MICAL2: variants seen among roughly 807,000 people sequenced by gnomAD.
MICAL2 encodes the protein [F-actin]-monooxygenase MICAL2.
A neutral mutation model predicts 127.3 loss-of-function variants in MICAL2; 77 were observed. The observed-to-expected ratio is 0.60, with a 90% CI of 0.50 to 0.73. MICAL2 has a LOEUF of 0.73. MICAL2 is among the 30% of genes least tolerant of loss of function. The pLI is 0.00. For missense variants in MICAL2, 1,351 were observed against 1,434.4 expected (o/e 0.94, Z 0.94); for synonymous variants, 570 against 551.1 (o/e 1.03, Z -0.48).
chr11:12,312,056 T>C (rs1021514860), intron 29 of MICAL2, among the ~76,000 whole-genome samples: 3 of 151,378 alleles, frequency 2.0e-5, no homozygotes, highest in Admixed American at 6.6e-5. Context: ...TATTATATAA[T>C]AGTTCATATA....
At chr11:12,298,971 T>C (rs1489039960) in intron 29 of MICAL2, among the ~76,000 whole-genome samples, 2 of 152,236 alleles carry the variant, frequency 1.3e-5, no homozygotes, top group Admixed American at 1.3e-4. Context: ...CTACAGTTCA[T>C]TGATATCACT....
At chr11:12,209,823 C>T (rs561277151) in intron 6 of MICAL2, among the ~76,000 whole-genome samples, 2 of 152,108 alleles carry the variant, frequency 1.3e-5, no homozygotes, top group Non-Finnish European at 2.9e-5. Flanking sequence ...TCAGTTTTCT[C>T]AGCTGTAAGA....
At chr11:12,127,817 G>GAGATTCAGGAGGAGATGACCACTGT (rs1564997756) in intron 1 of MICAL2, among the ~76,000 whole-genome samples, 1 of 152,180 alleles carries the variant, frequency 6.6e-6, no homozygotes, top group Non-Finnish European at 1.5e-5. Context: ...CAGGGGAGCA[G>GAGATTCAGGAGGAGATGACCACTGT]AGATTCAGGA....
In MICAL2 at chr11:12,211,659, G is replaced by T. The variant is rs564198784; in HGVS notation, c.692-1596G>T. ...TAGGAGGGAGACACACTGTTGAAAA[G>T]TGGCCATCTGTTGTGTGGAACCCCT... On this transcript the variant is annotated intron_variant, in intron 6 of 27. Transcript: ENST00000683283. Among the ~76,000 whole-genome samples the T allele has an allele frequency of 8.5e-5, 13 of 152,326 alleles. No individual in the cohort carries two copies. The South Asian group carries it at 2.5e-3, about 29-fold the overall frequency.
chr11:12,163,025 G>A (rs1000502059), intron 3 of MICAL2, among the ~76,000 whole-genome samples: 2 of 152,138 alleles, frequency 1.3e-5, no homozygotes, highest in Non-Finnish European at 1.5e-5. Flanking sequence ...CTTCCTCCCT[G>A]TCTCTTTCTC....
downstream of MICAL2, among the ~76,000 whole-genome samples, chr11:12,265,629 CAG>C (rs373100260): frequency 2.0e-3 from 312 of 152,258 alleles, no homozygotes; most frequent in African/African-American, 7.2e-3. Context: ...TCATTTAAAA[CAG>C]ATGTTCCTGG....
At position 12,255,825 on chromosome 11, in the gene MICAL2, A is replaced by G; in HGVS notation, c.2955+75A>G. 5.8e-6 allele frequency: 7 copies of G among 1,212,930 alleles called. No homozygotes were observed. The South Asian group carries it at 9.1e-5, about 16-fold the overall frequency. 75.1% of individuals were successfully genotyped at this position (1,212,930 alleles called of 1,614,324 possible). A position where few individuals can be genotyped will look rare whatever the true frequency, so the allele number is the denominator to read the frequency against. On this transcript the variant is annotated intron_variant, in intron 23 of 27. Transcript: ENST00000683283. ...CCCAGGGCGGGCACATGGGATGTCG[A>G]GAGGATGCCCTGGCCCTCCCGAGGC...
chr11:12,327,390 A>G, intron 32 of MICAL2: 3 of 755,734 alleles, frequency 4.0e-6, no homozygotes, highest in Non-Finnish European at 6.4e-6. Context: ...ATGGTGGTAA[A>G]TCCACAAGTG....
intron 25 of MICAL2, chr11:12,259,544 A>G (rs530917635): frequency 2.5e-6 from 1 of 404,404 alleles, no homozygotes; most frequent in Non-Finnish European, 4.4e-6. Flanking sequence ...TACTTGATGT[A>G]TATCATTAGG....
At chr11:12,347,191 AC>A (rs2134893594) in intron 32 of MICAL2, among the ~76,000 whole-genome samples, 1 of 152,044 alleles carries the variant, frequency 6.6e-6, no homozygotes, top group South Asian at 2.1e-4. Flanking sequence ...CAAAAGTGTT[AC>A]CTGTTCTTCC....
intron 3 of MICAL2, among the ~76,000 whole-genome samples, chr11:12,168,641 T>C (rs959755140): frequency 1.3e-5 from 2 of 151,684 alleles, no homozygotes; most frequent in African/African-American, 2.4e-5. Context: ...TATATATTTC[T>C]TTATATATAT....
chr11:12,222,783 C>T (rs919028486), intron 11 of MICAL2, 40 bp downstream of exon 11: 1 of 1,612,180 alleles, frequency 6.2e-7, no homozygotes, highest in Admixed American at 1.7e-5. Context: ...TCACTCTGCA[C>T]TGAACAGTGG....
intron 2 of MICAL2, among the ~76,000 whole-genome samples, chr11:12,155,446 A>G (rs1854070857): frequency 6.6e-6 from 1 of 152,180 alleles, no homozygotes; most frequent in Non-Finnish European, 1.5e-5. Context: ...ATATACACAC[A>G]TGCACACATA....
intron 2 of MICAL2, among the ~76,000 whole-genome samples, chr11:12,284,896 A>G (rs866067003): frequency 1.3e-5 from 2 of 152,306 alleles, no homozygotes; most frequent in Middle Eastern, 3.4e-3. Flanking sequence ...AAGCGCCTCC[A>G]AATGTAACCA....
chr11:12,276,994 G>A (rs1428212061), intron 1 of MICAL2, among the ~76,000 whole-genome samples: 2 of 152,168 alleles, frequency 1.3e-5, no homozygotes, highest in Non-Finnish European at 2.9e-5. Context: ...ATAATGCTGA[G>A]TGACAAACCA....
chr11:12,155,735 C>T (rs563484686), intron 2 of MICAL2, among the ~76,000 whole-genome samples: 2 of 152,242 alleles, frequency 1.3e-5, no homozygotes, highest in Non-Finnish European at 2.9e-5. Context: ...CCCCCACGTC[C>T]ACATAGACGT....
chr11:12,210,168 A>G (rs1167772872), intron 6 of MICAL2, among the ~76,000 whole-genome samples: 1 of 152,112 alleles, frequency 6.6e-6, no homozygotes, highest in Non-Finnish European at 1.5e-5. Flanking sequence ...CACTTCTCTG[A>G]GTTCTAAAGC....
At chr11:12,111,998 C>T (rs1360310559) in intron 1 of MICAL2, among the ~76,000 whole-genome samples, 3 of 152,224 alleles carry the variant, frequency 2.0e-5, no homozygotes, top group African/African-American at 7.2e-5. Flanking sequence ...GCAACAGGTC[C>T]TGTCTTGTGG....
chr11:12,206,568 T>C (rs1416265022), intron 4 of MICAL2, among the ~76,000 whole-genome samples: 3 of 152,130 alleles, frequency 2.0e-5, no homozygotes, highest in Non-Finnish European at 2.9e-5. Flanking sequence ...TTAAGCTGAT[T>C]GGCTTTGGAT....
Sources: allele counts gnomAD v4.1 joint callset (sites outside exome capture counted in the v4.1 genomes callset), GRCh38; gene constraint gnomAD v4.1.1; transcripts MANE v1.5; gene names NCBI Gene and HGNC (gene_info 2026-07-23, HGNC 2026-07-21).